PPP4R4: variants seen among roughly 807,000 people sequenced by gnomAD.
The protein encoded by PPP4R4 is protein phosphatase 4 regulatory subunit 4, also known as serine/threonine-protein phosphatase 4 regulatory subunit 4.
In PPP4R4, 70 loss-of-function variants were observed where a neutral mutation model predicts 121.8. The observed-to-expected ratio is 0.57, with a 90% CI of 0.47 to 0.70. PPP4R4 has a LOEUF of 0.70. Ranked by LOEUF, PPP4R4 falls within the 30% of genes least tolerant of loss-of-function variation. The probability of loss-of-function intolerance (pLI) is 0.00; values close to 1 mark genes in which losing one functional copy is unlikely to be tolerated. For synonymous variants in PPP4R4, 348 were observed against 355.7 expected (o/e 0.98, Z 0.24); for missense variants, 875 against 1,033.6 (o/e 0.85, Z 2.10).
chr14:94,195,390 C>T (rs1377012411), intron 2 of PPP4R4, among the ~76,000 whole-genome samples: 2 of 152,192 alleles, frequency 1.3e-5, no homozygotes, highest in South Asian at 2.1e-4. Flanking sequence ...AACCGCTGCT[C>T]TAGCATGTTG....
At chr14:94,227,982 C>G (rs2139520394) in intron 3 of PPP4R4, 2 of 634,924 alleles carry the variant, frequency 3.1e-6, no homozygotes, top group Non-Finnish European at 3.9e-6. Flanking sequence ...TCAGAGACCA[C>G]TTGCTGCTTC....
In PPP4R4 at chr14:94,263,030, C is replaced by T. The variant is rs117489425; in HGVS notation, c.2128-1848C>T. Among the ~76,000 whole-genome samples, 101 of 152,146 alleles carry T rather than the reference C, an allele frequency of 6.6e-4. No homozygotes were observed. In the East Asian group the frequency reaches 0.019, roughly 28 times the overall value. ...TTATGAAGCATTGTTTTTCTCTGGA[C>T]ACTTTAAATATTTTTTTCCTTTAGC... On this transcript the variant is annotated intron_variant, in intron 19 of 24. Coordinates refer to ENST00000304338, the MANE Select transcript of PPP4R4 (RefSeq NM_058237.2).
At chr14:94,256,411 T>A (rs6575402) in intron 16 of PPP4R4, 49 bp from the exon 17 acceptor site, 1 of 1,442,368 alleles carries the variant, frequency 6.9e-7, no homozygotes, top group Non-Finnish European at 9.4e-7. Context: ...ATGTTTCTGT[T>A]ATTCTTAGTT....
rs758921556 is a variant in PPP4R4 at position 94,184,430 on chromosome 14, G to GT, written c.191+8311dup. Among the ~76,000 whole-genome samples the GT allele has an allele frequency of 1.2e-3, 182 of 151,700 alleles. 1 individual carries two copies. Among genetic ancestry groups the GT allele is most frequent in the African/African-American group, 4.2e-3 (173 of 41,354 alleles). Reference sequence around the variant, plus strand: ...CTAGCCACCATGCCTAGCTAATTAAGTTTTTTTTGTAGAGTTAGGGGTCTT... The same window carrying GT: ...CTAGCCACCATGCCTAGCTAATTAAGTTTTTTTTTGTAGAGTTAGGGGTCTT... On this transcript the variant is annotated intron_variant, in intron 2 of 24. Transcript: ENST00000304338.
At chr14:94,229,847 C>A (rs901218351) in intron 3 of PPP4R4, among the ~76,000 whole-genome samples, 1 of 152,108 alleles carries the variant, frequency 6.6e-6, no homozygotes, top group African/African-American at 2.4e-5. Context: ...CACACACTTT[C>A]TCTCTCTATC....
chr14:94,253,350 C>T (rs1893291461), intron 16 of PPP4R4, among the ~76,000 whole-genome samples: 1 of 152,160 alleles, frequency 6.6e-6, no homozygotes, highest in Admixed American at 6.5e-5. Context: ...GTCCCAGCTA[C>T]TTGGGAGGCT....
rs542675206 is a variant in PPP4R4, at chr14:94,202,384, CAA to C, written c.192-6078_192-6077del. The stretch of plus-strand genomic sequence containing the variant: ...ATTACATAAAACTGAATAAATTATT[CAA>C]AGATATAAATAAACAAAGATAAATA... On this transcript the variant is annotated intron_variant, in intron 2 of 24. Coordinates refer to ENST00000304338, the MANE Select transcript of PPP4R4 (RefSeq NM_058237.2). Among the ~76,000 whole-genome samples, 1,057 of 152,190 alleles carry C rather than the reference CAA, an allele frequency of 6.9e-3. 13 individuals carry two copies. The highest frequency in any genetic ancestry group is 0.023 in the African/African-American group (949 of 41,516).
intron 9 of PPP4R4, among the ~76,000 whole-genome samples, chr14:94,241,578 A>C (rs1053894546): frequency 1.3e-5 from 2 of 152,106 alleles, no homozygotes; most frequent in Non-Finnish European, 2.9e-5. Flanking sequence ...TTTTGAAATT[A>C]AAATATTACT....
intron 24 of PPP4R4, 67 bp from the exon 25 acceptor site, chr14:94,278,552 T>G: frequency 3.7e-6 from 4 of 1,085,946 alleles, no homozygotes; most frequent in Non-Finnish European, 5.3e-6. Flanking sequence ...ATTTTTTTCT[T>G]TTTCTCCCTT....
At chr14:94,226,356 C>T (rs1891699710) in intron 3 of PPP4R4, among the ~76,000 whole-genome samples, 1 of 152,080 alleles carries the variant, frequency 6.6e-6, no homozygotes, top group Non-Finnish European at 1.5e-5. Flanking sequence ...CACTGAAATA[C>T]AGACTTAGGA....
At chr14:94,179,627 A>G (rs2090690731) in intron 2 of PPP4R4, among the ~76,000 whole-genome samples, 1 of 152,170 alleles carries the variant, frequency 6.6e-6, no homozygotes, top group Admixed American at 6.5e-5. Flanking sequence ...AACATACACC[A>G]TCTCTAGGAT....
intron 2 of PPP4R4, among the ~76,000 whole-genome samples, chr14:94,197,165 G>T (rs1471972318): frequency 6.6e-6 from 1 of 151,968 alleles, no homozygotes; most frequent in Non-Finnish European, 1.5e-5. Flanking sequence ...GCTCAATTTG[G>T]ATTCTGTTTC....
At chr14:94,180,106 C>A (rs1296878511) in intron 2 of PPP4R4, among the ~76,000 whole-genome samples, 1 of 152,126 alleles carries the variant, frequency 6.6e-6, no homozygotes, top group East Asian at 1.9e-4. Flanking sequence ...GGTTGAAGCA[C>A]CTGGCACATA....
rs1364494847 is a variant in PPP4R4, at chr14:94,183,924, A to G, written c.191+7797A>G. On this transcript the variant is annotated intron_variant, in intron 2 of 24. Transcript: ENST00000304338. ...TAATATATAAAGCAATATAAAATAA[A>G]TGAGTATACATATTTGAATAATGTG... 5.3e-5 allele frequency among the ~76,000 whole-genome samples: 8 copies of G among 152,070 alleles called. No individual in the cohort carries two copies. The East Asian group carries it at 1.5e-3, about 29-fold the overall frequency.
rs1340581296 is a variant in PPP4R4 at position 94,265,457 on chromosome 14, T to G, written c.2268T>G (p.Ser756=). ...NIPISVPGPS[S]VTPSTSKEIK... is the part of the protein sequence containing the mutation. ...CCATTTCTGTTCCTGGACCCTCTTCTGTCACCCCATCGACAAGTAAGAAAT... is the reference window on the plus strand; with the variant it reads ...CCATTTCTGTTCCTGGACCCTCTTCGGTCACCCCATCGACAAGTAAGAAAT... The change falls in exon 21 of 25, where the codon TCT becomes TCG. Residue 756 remains serine, a synonymous_variant. Coordinates refer to ENST00000304338, the MANE Select transcript of PPP4R4 (RefSeq NM_058237.2). The G allele has an allele frequency of 3.1e-6, 5 of 1,610,534 alleles. No homozygotes were observed. The Admixed American group carries it at 8.3e-5, about 27-fold the overall frequency.
At chr14:94,242,157 C>T (rs12431501) in intron 10 of PPP4R4, 132 bp from the exon 11 acceptor site, 247,876 of 1,282,344 alleles carry the variant, frequency 0.19, 28,570 homozygotes, top group East Asian at 0.59. Flanking sequence ...TTTGGATCTT[C>T]CAAATATGAT....
At chr14:94,260,440 C>A (rs1290044624) in intron 19 of PPP4R4, among the ~76,000 whole-genome samples, 1 of 151,828 alleles carries the variant, frequency 6.6e-6, no homozygotes, top group Non-Finnish European at 1.5e-5. Flanking sequence ...AAAAACAAAA[C>A]AAAACAAAAA....
In PPP4R4 at chr14:94,275,360, T is replaced by C; in HGVS notation, c.2450-14T>C. On this transcript the variant is annotated splice_polypyrimidine_tract_variant and intron_variant, in intron 23 of 24. Transcript: ENST00000304338. The stretch of plus-strand genomic sequence containing the variant: ...TATATTTGGTATGTCTGACTTTATA[T>C]GTATTGCTTTCAGATGATTCATTCC... The C allele has an allele frequency of 6.2e-7, 1 of 1,613,398 alleles. No homozygotes were observed. Among genetic ancestry groups the C allele is most frequent in the Non-Finnish European group, 8.5e-7 (1 of 1,179,400 alleles).
chr14:94,186,493 C>A (rs1567104077), intron 2 of PPP4R4, among the ~76,000 whole-genome samples: 1 of 152,136 alleles, frequency 6.6e-6, no homozygotes, highest in Non-Finnish European at 1.5e-5. Flanking sequence ...TCTTGTTTAT[C>A]CATTCATCAG....
Sources: allele counts gnomAD v4.1 joint callset (sites outside exome capture counted in the v4.1 genomes callset), GRCh38; gene constraint gnomAD v4.1.1; transcripts MANE v1.5; gene names NCBI Gene and HGNC (gene_info 2026-07-23, HGNC 2026-07-21).